ADAM19: variants seen among roughly 807,000 people sequenced by gnomAD.
ADAM19 encodes the protein disintegrin and metalloproteinase domain-containing protein 19.
ADAM19 carries 65 observed loss-of-function variants against 114.7 expected under a neutral mutation model. That is an observed-to-expected ratio of 0.57 (90% CI 0.46 to 0.70). The LOEUF (loss-of-function observed/expected upper bound fraction) is 0.70, where lower values mean the gene tolerates loss of function less well. Ranked by LOEUF, ADAM19 falls within the 30% of genes least tolerant of loss-of-function variation. The probability of loss-of-function intolerance (pLI) is 0.00; values close to 1 mark genes in which losing one functional copy is unlikely to be tolerated. For missense variants in ADAM19, 1,063 were observed against 1,204.7 expected (o/e 0.88, Z 1.74); for synonymous variants, 466 against 460.5 (o/e 1.01, Z -0.15).
At position 157,477,751 on chromosome 5, in the gene ADAM19, A is replaced by C; in HGVS notation, c.*3198T>G. On this transcript the variant is annotated 3_prime_UTR_variant, in exon 23 of 23. Coordinates refer to ENST00000257527, the MANE Select transcript of ADAM19 (RefSeq NM_033274.5). Reference sequence around the variant, plus strand: ...TCCATACCCTCTGTCAAATAAGAATAAATTAGGAAGTAGGCAGGGAGAGAC... The same window carrying C: ...TCCATACCCTCTGTCAAATAAGAATCAATTAGGAAGTAGGCAGGGAGAGAC... 7.8e-7 allele frequency: 1 copy of C among 1,288,560 alleles called. No homozygotes were observed. The highest frequency in any genetic ancestry group is 1.2e-5 in the South Asian group (1 of 80,988). The allele number at this position is 1,288,560 out of a possible 1,614,324, so 79.8% of individuals were successfully genotyped here.
chr5:157,547,506 TC>T (rs1757081237), intron 3 of ADAM19, among the ~76,000 whole-genome samples: 1 of 152,164 alleles, frequency 6.6e-6, no homozygotes, highest in African/African-American at 2.4e-5. Context: ...CTTGCCCTTC[TC>T]CCTTTCACCA....
At chr5:157,503,845 T>A (rs1430554183) in intron 11 of ADAM19, among the ~76,000 whole-genome samples, 1 of 152,174 alleles carries the variant, frequency 6.6e-6, no homozygotes, top group Non-Finnish European at 1.5e-5. Context: ...CATTCCAAAC[T>A]CAACCAGCCA....
At chr5:157,496,177 C>A (rs1011573404) in intron 14 of ADAM19, among the ~76,000 whole-genome samples, 1 of 152,042 alleles carries the variant, frequency 6.6e-6, no homozygotes, top group Middle Eastern at 3.4e-3. Context: ...CTGTTCTACA[C>A]CTTGCATTTT....
intron 1 of ADAM19, among the ~76,000 whole-genome samples, chr5:157,574,915 C>T (rs1301880238): frequency 2.0e-5 from 3 of 152,214 alleles, no homozygotes; most frequent in African/African-American, 4.8e-5. Context: ...GTTTCCAGTG[C>T]CACCGCGGAC....
intron 7 of ADAM19, among the ~76,000 whole-genome samples, chr5:157,513,715 G>A (rs900632016): frequency 6.6e-6 from 1 of 152,190 alleles, no homozygotes; most frequent in Non-Finnish European, 1.5e-5. Context: ...CTAGCTCAGC[G>A]CAGCACACAC....
At chr5:157,492,936 G>A in intron 16 of ADAM19, 37 bp downstream of exon 16, 1 of 1,607,090 alleles carries the variant, frequency 6.2e-7, no homozygotes, top group Non-Finnish European at 8.5e-7. Flanking sequence ...ACTCTGCTCT[G>A]CAGCTGGCTC....
chr5:157,485,043 C>T (rs1754890090), intron 21 of ADAM19, among the ~76,000 whole-genome samples: 1 of 152,252 alleles, frequency 6.6e-6, no homozygotes, highest in Admixed American at 6.5e-5. Flanking sequence ...CTGGCCCATG[C>T]TCCCTTCCAC....
At chr5:157,505,177 C>G (rs1336757303) in intron 11 of ADAM19, among the ~76,000 whole-genome samples, 1 of 151,808 alleles carries the variant, frequency 6.6e-6, no homozygotes, top group East Asian at 1.9e-4. Context: ...CTGCCTCACC[C>G]TGTTCCTCAT....
chr5:157,564,584 T>G (rs868488338), intron 2 of ADAM19, 141 bp from the exon 3 acceptor site: 5 of 732,744 alleles, frequency 6.8e-6, no homozygotes, highest in Non-Finnish European at 1.2e-5. Flanking sequence ...CCAGCCCACA[T>G]GTAAAATGAC....
At position 157,507,041 on chromosome 5, in the gene ADAM19, C is replaced by T. The variant is rs778893527; in HGVS notation, c.990+15G>A. 8.1e-6 allele frequency: 13 copies of T among 1,611,944 alleles called. No homozygotes were observed. The highest frequency in any genetic ancestry group is 4.0e-5 in the African/African-American group (3 of 75,012). On this transcript the variant is annotated intron_variant, in intron 10 of 22. Transcript: ENST00000257527. ...CAGCGCCTTCTGCAGCGCACACACA[C>T]GGGCTGAGACTCACCATGTTGACTC...
chr5:157,497,069 C>T lies in ADAM19; in HGVS notation c.1419G>A (p.Leu473=), dbSNP rs778810614. ...HQCKLLAPGT[L]CREQARQCDL... is the part of the protein sequence containing the mutation. ...CACACTGCCTGGCCTGCTCGCGGCACAGGGTCCCAGGAGCCAACAGCTGAG... is the reference window on the plus strand; with the variant it reads ...CACACTGCCTGGCCTGCTCGCGGCATAGGGTCCCAGGAGCCAACAGCTGAG... The change falls in exon 14 of 23, where the codon CTG becomes CTA. Residue 473 remains leucine, a synonymous_variant. Coordinates refer to ENST00000257527, the MANE Select transcript of ADAM19 (RefSeq NM_033274.5). The T allele has an allele frequency of 1.3e-6, 2 of 1,533,988 alleles. No individual in the cohort carries two copies. Among genetic ancestry groups the T allele is most frequent in the African/African-American group, 1.4e-5 (1 of 69,918 alleles).
intron 3 of ADAM19, among the ~76,000 whole-genome samples, chr5:157,550,715 G>C (rs1370628705): frequency 6.6e-6 from 1 of 151,596 alleles, no homozygotes; most frequent in Non-Finnish European, 1.5e-5. Context: ...AAGAGAGCTT[G>C]GGTTTAAAGA....
chr5:157,535,563 C>T (rs1756739453), intron 4 of ADAM19, among the ~76,000 whole-genome samples: 1 of 152,204 alleles, frequency 6.6e-6, no homozygotes, highest in African/African-American at 2.4e-5. Flanking sequence ...TTGTCCATCC[C>T]AAGGTTCAGC....
Position 157,570,823 on chromosome 5 carries a change from G to A in ADAM19, c.180+72C>T, listed in dbSNP as rs1219267519. The A allele has an allele frequency of 5.2e-6, 7 of 1,334,642 alleles. No individual in the cohort carries two copies. The East Asian group carries it at 1.4e-4, about 26-fold the overall frequency. 82.7% of individuals were successfully genotyped at this position (1,334,642 alleles called of 1,614,324 possible). A position where few individuals can be genotyped will look rare whatever the true frequency, so the allele number is the denominator to read the frequency against. On this transcript the variant is annotated intron_variant, in intron 2 of 22. Transcript: ENST00000257527. ...CTAATGGTGATGACTGGGATTCTAA[G>A]AAAGTTGAGTAGGTAGCCCAAACCT... is the stretch of plus-strand genomic sequence containing the variant.
At chr5:157,545,709 T>G (rs565331015) in intron 3 of ADAM19, among the ~76,000 whole-genome samples, 2 of 152,272 alleles carry the variant, frequency 1.3e-5, no homozygotes, top group African/African-American at 4.8e-5. Flanking sequence ...ACAGTTTTTG[T>G]TTCTAAACCC....
intron 2 of ADAM19, among the ~76,000 whole-genome samples, chr5:157,565,135 C>T (rs566234257): frequency 6.6e-6 from 1 of 152,234 alleles, no homozygotes; most frequent in African/African-American, 2.4e-5. Flanking sequence ...TTGGTAGTGG[C>T]CACAGGTGCT....
At chr5:157,496,474 T>C (rs1186742062) in intron 14 of ADAM19, among the ~76,000 whole-genome samples, 2 of 152,228 alleles carry the variant, frequency 1.3e-5, no homozygotes, top group East Asian at 1.9e-4. Flanking sequence ...CACAACACTA[T>C]ATCATTATTA....
chr5:157,554,712 G>C (rs560834062), intron 3 of ADAM19, among the ~76,000 whole-genome samples: 1 of 152,184 alleles, frequency 6.6e-6, no homozygotes, highest in Non-Finnish European at 1.5e-5. Flanking sequence ...ACAAATAACA[G>C]TGTCTATTTA....
intron 15 of ADAM19, among the ~76,000 whole-genome samples, chr5:157,493,857 T>C (rs954300406): frequency 2.6e-5 from 4 of 152,252 alleles, no homozygotes; most frequent in Non-Finnish European, 5.9e-5. Context: ...TGTTCTCAGT[T>C]CTTTCAACCA....
Sources: allele counts gnomAD v4.1 joint callset (sites outside exome capture counted in the v4.1 genomes callset), GRCh38; gene constraint gnomAD v4.1.1; transcripts MANE v1.5; gene names NCBI Gene and HGNC (gene_info 2026-07-23, HGNC 2026-07-21).